TARDBP: variants seen among roughly 807,000 people sequenced by gnomAD.
TARDBP encodes the protein TAR DNA binding protein.
A neutral mutation model predicts 38.3 loss-of-function variants in TARDBP; 4 were observed. The ratio of observed to expected loss-of-function variants is 0.10; its 90% confidence interval spans 0.05 to 0.24. The LOEUF is 0.24. Ranked by LOEUF, TARDBP falls within the 10% of genes least tolerant of loss-of-function variation. The pLI, the probability that TARDBP is intolerant of heterozygous loss-of-function variation, is 1.00. For synonymous variants in TARDBP, 184 were observed against 183.8 expected (o/e 1.00, Z -0.01); for missense variants, 202 against 521.9 (o/e 0.39, Z 5.97).
At position 11,017,065 on chromosome 1, in the gene TARDBP, T is replaced by A; in HGVS notation, c.402+58T>A. 5 of 1,566,796 alleles carry A rather than the reference T, an allele frequency of 3.2e-6. 1 individual carries two copies. In the South Asian group the frequency reaches 5.5e-5, roughly 17 times the overall value. On this transcript the variant is annotated intron_variant, in intron 3 of 5. Coordinates refer to ENST00000240185, the MANE Select transcript of TARDBP (RefSeq NM_007375.4). ...TACCAGTGAATGAGTATCTAGCATT[T>A]ATTTATTGGTATAAATAGAGATGGG...
intron 1 of TARDBP, among the ~76,000 whole-genome samples, chr1:11,013,103 G>A (rs1351105202): frequency 6.6e-6 from 1 of 152,240 alleles, no homozygotes; most frequent in Non-Finnish European, 1.5e-5. Context: ...CCCTCGGCTG[G>A]CACGCGCGGG....
chr1:11,014,496 A>C (rs1643476077), intron 2 of TARDBP, among the ~76,000 whole-genome samples: 1 of 152,226 alleles, frequency 6.6e-6, no homozygotes, highest in South Asian at 2.1e-4. Context: ...AAGTTTAAGA[A>C]GTGTGCCAAG....
At chr1:11,028,918 T>C (rs1441905988), downstream of TARDBP, among the ~76,000 whole-genome samples, 1 of 150,954 alleles carries the variant, frequency 6.6e-6, no homozygotes, top group African/African-American at 2.4e-5. Flanking sequence ...TTTCACCGTT[T>C]TAGCCAGACT....
intron 4 of TARDBP, 125 bp from the exon 5 acceptor site, chr1:11,020,304 A>C: frequency 9.2e-7 from 1 of 1,088,206 alleles, no homozygotes; most frequent in Non-Finnish European, 1.4e-6. Flanking sequence ...AATTAAGGGT[A>C]CGTCTACTTT....
In TARDBP at chr1:11,022,004, A is replaced by T; in HGVS notation, c.715-120A>T. On this transcript the variant is annotated intron_variant, in intron 5 of 5. Transcript: ENST00000240185. The surrounding 1 kb of genome is among the most constrained non-coding windows in gnomAD (Gnocchi z 4.5). ...GGGGGTTTAAATGAAATGAGTGTTC[A>T]TTGCTTATTTTTCCTCTGGCTTTAG... is the stretch of plus-strand genomic sequence containing the variant. The T allele has an allele frequency of 8.6e-7, 1 of 1,169,380 alleles. No homozygotes were observed. Among genetic ancestry groups the T allele is most frequent in the Admixed American group, 2.0e-5 (1 of 50,244 alleles). The allele number at this position is 1,169,380 out of a possible 1,614,324, so 72.4% of individuals were successfully genotyped here.
chr1:11,021,960 T>C (rs1392955191), intron 5 of TARDBP, among the ~76,000 whole-genome samples, 164 bp from the exon 6 acceptor site: 1 of 149,632 alleles, frequency 6.7e-6, no homozygotes, highest in Non-Finnish European at 1.5e-5. Context: ...CTGCTGTTAA[T>C]AAAACTAAAA....
At chr1:11,027,618 C>T (rs1643761664), downstream of TARDBP, 6 of 1,613,012 alleles carry the variant, frequency 3.7e-6, no homozygotes, top group South Asian at 1.1e-5. Flanking sequence ...ATATATACGC[C>T]CTCCTGTTGT....
chr1:11,014,951 C>G (rs1021737013), intron 2 of TARDBP, among the ~76,000 whole-genome samples: 1 of 148,946 alleles, frequency 6.7e-6, no homozygotes, highest in Admixed American at 6.8e-5. Flanking sequence ...CAAAAAAAAA[C>G]GAAAACAAAA....
rs527730110 is a variant in TARDBP at position 11,017,165 on chromosome 1, C to CTGAG, written c.402+159_402+162dup. ...GTCCTCCTGCCTCGACCCCAATGTG[C>CTGAG]TGAGCCACCATGCCCAGCCACAATC... On this transcript the variant is annotated intron_variant, in intron 3 of 5. Transcript: ENST00000240185. 1.4e-3 allele frequency among the ~76,000 whole-genome samples: 218 copies of CTGAG among 151,434 alleles called. 2 individuals carry two copies. Among genetic ancestry groups the CTGAG allele is most frequent in the African/African-American group, 5.2e-3 (213 of 41,206 alleles).
At chr1:11,017,220 T>G (rs79726566) in intron 3 of TARDBP, among the ~76,000 whole-genome samples, 1 of 105,188 alleles carries the variant, frequency 9.5e-6, no homozygotes, top group African/African-American at 3.6e-5. Context: ...TTTTTTTTTT[T>G]GGAGACCAAG....
rs148325203 is a variant in TARDBP at position 11,022,507 on chromosome 1, C to T, written c.1098C>T (p.Ala366=). The change falls in exon 6 of 6, where the codon GCC becomes GCT. Residue 366 remains alanine (A), a synonymous_variant. Coordinates refer to ENST00000240185, the MANE Select transcript of TARDBP (RefSeq NM_007375.4). The surrounding 1 kb of genome is among the most constrained non-coding windows in gnomAD (Gnocchi z 4.5). ...QGNMQREPNQ[A]FGSGNNSYSG... is the part of the protein sequence containing the mutation. ...ACATGCAGAGGGAGCCAAACCAGGC[C>T]TTCGGTTCTGGAAATAACTCTTATA... is the stretch of plus-strand genomic sequence containing the variant. The T allele has an allele frequency of 1.4e-5, 23 of 1,597,750 alleles. No homozygotes were observed. The South Asian group carries it at 2.2e-4, about 15-fold the overall frequency.
At chr1:11,027,034 C>G (rs765574358), downstream of TARDBP, 12 of 1,596,978 alleles carry the variant, frequency 7.5e-6, no homozygotes, top group Non-Finnish European at 8.5e-7. Context: ...TCTAGAAACA[C>G]CAGTGCCCCT....
chr1:11,017,197 CCTTT>C (rs1204449781), intron 3 of TARDBP, among the ~76,000 whole-genome samples, 190 bp downstream of exon 3: 83 of 130,396 alleles, frequency 6.4e-4, no homozygotes, highest in African/African-American at 2.3e-3. Flanking sequence ...AATCTTGTTA[CCTTT>C]CTTTTTTTTT....
intron 3 of TARDBP, among the ~76,000 whole-genome samples, 175 bp downstream of exon 3, chr1:11,017,182 G>A (rs1419670699): frequency 6.7e-6 from 1 of 149,620 alleles, no homozygotes; most frequent in East Asian, 2.0e-4. Context: ...ACCATGCCCA[G>A]CCACAATCTT....
At position 11,023,163 on chromosome 1, in the gene TARDBP, C is replaced by T; in HGVS notation, c.*509C>T. On this transcript the variant is annotated 3_prime_UTR_variant, in exon 6 of 6. Transcript: ENST00000240185. ...TTGTCTCCCCTCATACACAAAAGTA[C>T]AATATGAAGCCTTCATTTAATCTCT... The T allele has an allele frequency of 6.5e-7, 1 of 1,549,156 alleles. No homozygotes were observed. The highest frequency in any genetic ancestry group is 8.7e-7 in the Non-Finnish European group (1 of 1,146,092).
chr1:11,025,858 CAGTA>C (rs752460863), downstream of TARDBP: 12 of 154,782 alleles, frequency 7.8e-5, no homozygotes, highest in Non-Finnish European at 1.6e-4. Flanking sequence ...TAATGTGTAA[CAGTA>C]AGAATGATTT....
rs778421436 is a variant in TARDBP, at chr1:11,022,449, C to T, written c.1040C>T (p.Ser347Leu). The T allele has an allele frequency of 6.2e-7, 1 of 1,613,486 alleles. No homozygotes were observed. The highest frequency in any genetic ancestry group is 1.7e-5 in the Admixed American group (1 of 60,016). ...MGMLASQQNQ[S>L]GPSGNNQNQG... ...ATGTTAGCCAGCCAGCAGAACCAGT[C>T]AGGCCCATCGGGTAATAACCAAAAC... The change falls in exon 6 of 6, where the codon TCA (serine) becomes TTA (leucine). Residue 347 changes from serine to leucine, a missense_variant. This residue lies in a region of TARDBP where 107 missense variants were observed against 190.5 expected (regional missense o/e 0.56). Transcript: ENST00000240185. This position sits in a 1 kb window ranked among gnomAD's most constrained non-coding sequence, Gnocchi z 4.5.
chr1:11,018,750 G>A lies in TARDBP; in HGVS notation c.420G>A (p.Lys140=). 1.2e-6 allele frequency: 2 copies of A among 1,614,138 alleles called. No individual in the cohort carries two copies. Among genetic ancestry groups the A allele is most frequent in the Non-Finnish European group, 1.7e-6 (2 of 1,180,038 alleles). ...VLMVQVKKDL[K]TGHSKGFGFV... ...CTTTCTAGGTCAAGAAAGATCTTAA[G>A]ACTGGTCATTCAAAGGGGTTTGGCT... Residue 140 remains lysine, a synonymous_variant, in exon 4 of 6, where the codon AAG becomes AAA. Coordinates refer to ENST00000240185, the MANE Select transcript of TARDBP (RefSeq NM_007375.4).
intron 1 of TARDBP, among the ~76,000 whole-genome samples, 173 bp downstream of exon 1, chr1:11,012,916 G>C (rs1643437467): frequency 6.6e-6 from 1 of 152,232 alleles, no homozygotes; most frequent in Non-Finnish European, 1.5e-5. Context: ...TCCTGGCACG[G>C]GGAGGCCGGT....
Sources: gnomAD v4.1 joint callset for allele counts (sites outside exome capture counted in the v4.1 genomes callset) on GRCh38, gnomAD v4.1.1 for gene constraint, gnomAD v4.1.1 regional missense constraint, Gnocchi (gnomAD v3.1) non-coding constraint, MANE v1.5 for transcripts, NCBI Gene and HGNC (gene_info 2026-07-23, HGNC 2026-07-21) for gene names.